DNAH14: variants seen among roughly 807,000 people sequenced by gnomAD.
DNAH14 encodes dynein axonemal heavy chain 14, also known as axonemal beta dynein heavy chain 14.
DNAH14 carries 478 observed loss-of-function variants against 520.9 expected under a neutral mutation model. That is an observed-to-expected ratio of 0.92 (90% CI 0.85 to 0.99). The LOEUF is 0.99. DNAH14 is among the 50% of genes least tolerant of loss of function. The probability of loss-of-function intolerance (pLI) is 0.00; values close to 1 mark genes in which losing one functional copy is unlikely to be tolerated. For synonymous variants in DNAH14, 1,581 were observed against 1,757.2 expected, an observed-to-expected ratio of 0.90 and a Z score of 2.51; for missense variants, 4,831 against 5,234.5, an observed-to-expected ratio of 0.92 and a Z score of 2.38.
rs945861720 is a variant in DNAH14, at chr1:225,320,343, C to T, written c.9335+1666C>T. Among the ~76,000 whole-genome samples, 5 of 152,302 alleles carry T rather than the reference C, an allele frequency of 3.3e-5. No individual in the cohort carries two copies. In the East Asian group the frequency reaches 9.6e-4, roughly 29 times the overall value. ...GCAAATGCTCAATAAAGGTTACTTT[C>T]ATGATAAGAGATTTCCTCTGATCAA... On this transcript the variant is annotated intron_variant, in intron 61 of 85. Transcript: ENST00000682510.
At chr1:225,334,526 T>C (rs2150306672) in intron 66 of DNAH14, among the ~76,000 whole-genome samples, 1 of 152,214 alleles carries the variant, frequency 6.6e-6, no homozygotes, top group East Asian at 1.9e-4. Flanking sequence ...TCTTGCTTTG[T>C]TACACGAAGG....
At position 225,345,967 on chromosome 1, in the gene DNAH14, A is replaced by C; in HGVS notation, c.10684A>C (p.Ile3562Leu). ...CACTTTTTGTTTGTCTTTAGGATCCATATTAGATGATGACAAAATTGTAGA... is the reference window on the plus strand; with the variant it reads ...CACTTTTTGTTTGTCTTTAGGATCCCTATTAGATGATGACAAAATTGTAGA... ...LNLLQKALGS[I>L]LDDDKIVDTL... is the part of the protein sequence containing the mutation. The change falls in exon 70 of 86, where the codon ATA becomes CTA. Residue 3562 changes from isoleucine to leucine, a missense_variant. Transcript: ENST00000682510. 1 of 1,548,192 alleles carries C rather than the reference A, an allele frequency of 6.5e-7. No individual in the cohort carries two copies.
intron 49 of DNAH14, among the ~76,000 whole-genome samples, chr1:225,269,227 G>A (rs2093230321): frequency 1.3e-5 from 2 of 152,174 alleles, no homozygotes; most frequent in South Asian, 4.1e-4. Flanking sequence ...AAGAAATGGG[G>A]TAAGGATTCC....
chr1:225,335,204 C>A (rs561921273), intron 66 of DNAH14, among the ~76,000 whole-genome samples: 2 of 141,552 alleles, frequency 1.4e-5, no homozygotes, highest in African/African-American at 5.0e-5. Flanking sequence ...TATGCACACA[C>A]GTACATGTGT....
chr1:225,109,047 A>G (rs1262417794), intron 23 of DNAH14, among the ~76,000 whole-genome samples: 2 of 151,860 alleles, frequency 1.3e-5, no homozygotes, highest in South Asian at 2.1e-4. Context: ...TCGTTTCTGG[A>G]TTTCTCATTC....
At position 225,050,368 on chromosome 1, in the gene DNAH14, CA is replaced by C; in HGVS notation, c.2075del (p.Asn692IlefsTer2). 6.5e-7 allele frequency: 1 copy of C among 1,541,410 alleles called. No individual in the cohort carries two copies. Among genetic ancestry groups the C allele is most frequent in the South Asian group, 1.2e-5 (1 of 80,458 alleles). ...CCTTTTTGAAACAGATCCTGCCTAC[CA>C]AAATATAGTAAGTTTTAAAACAGTT... ...HILFETDPAYQNIIVNLLTII... is the reference protein window; with the variant it reads ...HILFETDPAYXNIIVNLLTII... On this transcript the variant is annotated frameshift_variant, in exon 16 of 86. Coordinates refer to ENST00000682510, the MANE Select transcript of DNAH14 (RefSeq NM_001367479.1). LOFTEE classifies it high-confidence loss of function.
In DNAH14 at chr1:224,929,714, G is replaced by A. The variant is rs2058548595; in HGVS notation, c.-155G>A. On this transcript the variant is annotated 5_prime_UTR_variant, in exon 1 of 86. Transcript: ENST00000682510. ...GCCAGGAGGCGTCGGAGCCTGGCGT[G>A]GTAGGGCTGTGCTGCGCGGTCCTTC... 1.4e-6 allele frequency: 1 copy of A among 702,436 alleles called. No homozygotes were observed. The highest frequency in any genetic ancestry group is 2.6e-6 in the Non-Finnish European group (1 of 384,858). The allele number at this position is 702,436 out of a possible 1,614,324, so 43.5% of individuals were successfully genotyped here. A position where few individuals can be genotyped will look rare whatever the true frequency, so the allele number is the denominator to read the frequency against.
intron 47 of DNAH14, among the ~76,000 whole-genome samples, chr1:225,264,845 T>C (rs1272340667): frequency 6.6e-6 from 1 of 152,166 alleles, no homozygotes; most frequent in Non-Finnish European, 1.5e-5. Context: ...CTATAGCCTC[T>C]GGATGATCCT....
At chr1:225,061,543 C>T (rs1422195189) in intron 17 of DNAH14, among the ~76,000 whole-genome samples, 1 of 152,232 alleles carries the variant, frequency 6.6e-6, no homozygotes, top group Non-Finnish European at 1.5e-5. Flanking sequence ...CTGACACTGC[C>T]CAGTGAGATG....
chr1:225,197,382 A>G (rs2086288011), intron 38 of DNAH14, among the ~76,000 whole-genome samples: 1 of 151,730 alleles, frequency 6.6e-6, no homozygotes, highest in African/African-American at 2.4e-5. Context: ...GATTCTCTAT[A>G]TTTTTCCATT....
chr1:225,290,284 G>A (rs962669022), intron 55 of DNAH14, among the ~76,000 whole-genome samples: 5 of 151,780 alleles, frequency 3.3e-5, no homozygotes, highest in African/African-American at 1.2e-4. Context: ...TGACGCCATA[G>A]GTAGTTATGA....
chr1:225,226,652 G>T (rs2149538360), intron 41 of DNAH14, among the ~76,000 whole-genome samples: 1 of 152,362 alleles, frequency 6.6e-6, no homozygotes, highest in East Asian at 1.9e-4. Flanking sequence ...GCAAGGTGGA[G>T]ATGAGAGACT....
Position 225,353,808 on chromosome 1 carries a change from CT to C in DNAH14, c.11543del (p.Leu3848Ter). The C allele has an allele frequency of 6.7e-7, 1 of 1,481,950 alleles. No individual in the cohort carries two copies. Among genetic ancestry groups the C allele is most frequent in the Non-Finnish European group, 9.1e-7 (1 of 1,093,448 alleles). The allele number at this position is 1,481,950 out of a possible 1,614,324, so 91.8% of individuals were successfully genotyped here. ...ENTKPPEETE[L>X]LNENKETCNP... ...TTTCTCTAAATTATATCTAGCTGAA[CT>C]TTTGAATGAAAATAAAGAAACGTGT... is the stretch of plus-strand genomic sequence containing the variant. On this transcript the variant is annotated frameshift_variant, in exon 73 of 86. Coordinates refer to ENST00000682510, the MANE Select transcript of DNAH14 (RefSeq NM_001367479.1). LOFTEE classifies it high-confidence loss of function.
intron 17 of DNAH14, among the ~76,000 whole-genome samples, chr1:225,078,825 CCTCTCTCTCT>C (rs2072665904): frequency 6.4e-5 from 1 of 15,738 alleles, no homozygotes; most frequent in African/African-American, 1.7e-4. Flanking sequence ...TCTCTCTCTC[CCTCTCTCTCT>C]CTCTCTCCCT....
chr1:225,043,420 T>A (rs1361185860), intron 13 of DNAH14, among the ~76,000 whole-genome samples: 1 of 152,170 alleles, frequency 6.6e-6, no homozygotes, highest in Non-Finnish European at 1.5e-5. Flanking sequence ...CTGCTAAAAG[T>A]AAGGATAAAC....
chr1:225,049,047 ATTTTTTTTTTTTTTTTT>A (rs71170051), intron 15 of DNAH14, among the ~76,000 whole-genome samples: 10 of 56,278 alleles, frequency 1.8e-4, no homozygotes, highest in South Asian at 8.5e-4. Context: ...TCTCTTGCCT[ATTTTTTTTTTTTTTTTT>A]TTTTTTTTTT....
chr1:225,217,200 C>T (rs1220264254), intron 41 of DNAH14, among the ~76,000 whole-genome samples: 3 of 152,178 alleles, frequency 2.0e-5, no homozygotes, highest in African/African-American at 4.8e-5. Flanking sequence ...GTATCACCAG[C>T]GGAGGCTGCA....
chr1:225,129,022 A>G (rs890234127), intron 27 of DNAH14, among the ~76,000 whole-genome samples: 1 of 152,102 alleles, frequency 6.6e-6, no homozygotes, highest in Non-Finnish European at 1.5e-5. Flanking sequence ...ATACACCAAT[A>G]ACAGACAAAC....
At chr1:225,151,921 A>G in intron 31 of DNAH14, 84 bp from the exon 32 acceptor site, 1 of 1,136,654 alleles carries the variant, frequency 8.8e-7, no homozygotes, top group Non-Finnish European at 1.3e-6. Flanking sequence ...CAGCCTTAAT[A>G]AAGCTTCCAA....
Sources: gnomAD v4.1 joint callset for allele counts (sites outside exome capture counted in the v4.1 genomes callset) on GRCh38, gnomAD v4.1.1 for gene constraint, MANE v1.5 for transcripts, NCBI Gene and HGNC (gene_info 2026-07-23, HGNC 2026-07-21) for gene names.